Variants in MSI2 observed in about 807,000 individuals in gnomAD.
The protein encoded by MSI2 is musashi RNA binding protein 2, also known as RNA-binding protein Musashi homolog 2.
In MSI2, 17 loss-of-function variants were observed where a neutral mutation model predicts 45.6. That is an observed-to-expected ratio of 0.37 (90% CI 0.26 to 0.56). MSI2 has a LOEUF of 0.56. Ranked by LOEUF, MSI2 falls within the 20% of genes least tolerant of loss-of-function variation. The pLI is 0.77. For missense variants in MSI2, 293 were observed against 444.2 expected (o/e 0.66, Z 3.06); for synonymous variants, 156 against 158.2 (o/e 0.99, Z 0.11).
chr17:57,632,274 G>T, intron 10 of MSI2: 1 of 1,079,976 alleles, frequency 9.3e-7, no homozygotes, highest in Non-Finnish European at 1.1e-6. Flanking sequence ...TGGAGCACCC[G>T]TGTCTTACGA....
intron 5 of MSI2, among the ~76,000 whole-genome samples, chr17:57,341,407 C>A (rs1044804146): frequency 6.6e-6 from 1 of 152,198 alleles, no homozygotes; most frequent in Non-Finnish European, 1.5e-5. Context: ...TGGGGAAAAA[C>A]CAAACAGTGC....
At chr17:57,257,698 C>A in intron 3 of MSI2, 151 bp downstream of exon 3, 1 of 589,266 alleles carries the variant, frequency 1.7e-6, no homozygotes, top group Non-Finnish European at 3.0e-6. Flanking sequence ...CCCCACCGCC[C>A]CCTAGTAACC....
At chr17:57,376,587 G>A (rs1318622392) in intron 5 of MSI2, among the ~76,000 whole-genome samples, 2 of 152,174 alleles carry the variant, frequency 1.3e-5, no homozygotes, top group Non-Finnish European at 2.9e-5. Flanking sequence ...TGGGTTTTCG[G>A]TTGTGATTTT....
chr17:57,543,728 C>G (rs1176101223), intron 7 of MSI2, among the ~76,000 whole-genome samples: 1 of 150,930 alleles, frequency 6.6e-6, no homozygotes, highest in African/African-American at 2.5e-5. Flanking sequence ...GTTTAATTTG[C>G]TCCCTCCCCC....
intron 5 of MSI2, among the ~76,000 whole-genome samples, chr17:57,355,209 C>A (rs1227654695): frequency 6.6e-6 from 1 of 152,180 alleles, no homozygotes; most frequent in Non-Finnish European, 1.5e-5. Flanking sequence ...TCCTTTTGCA[C>A]GTAAATGTTT....
intron 6 of MSI2, among the ~76,000 whole-genome samples, chr17:57,437,987 G>A (rs1481341275): frequency 6.6e-6 from 1 of 152,202 alleles, no homozygotes; most frequent in Non-Finnish European, 1.5e-5. Context: ...AGTGCCACAG[G>A]TGCTGTGAAA....
At chr17:57,598,212 T>G (rs1905457684) in intron 8 of MSI2, among the ~76,000 whole-genome samples, 1 of 152,252 alleles carries the variant, frequency 6.6e-6, no homozygotes, top group Non-Finnish European at 1.5e-5. Context: ...GGCAAATCTG[T>G]GTTTCAATTG....
intron 6 of MSI2, among the ~76,000 whole-genome samples, chr17:57,481,345 G>C (rs986853264): frequency 1.3e-5 from 2 of 152,126 alleles, no homozygotes; most frequent in African/African-American, 4.8e-5. Context: ...CAGCAAATAA[G>C]TCTGCTTTCA....
At chr17:57,391,367 G>A (rs1213295735) in intron 5 of MSI2, among the ~76,000 whole-genome samples, 2 of 152,132 alleles carry the variant, frequency 1.3e-5, no homozygotes, top group African/African-American at 4.8e-5. Context: ...TTTATAGAAC[G>A]GAGAACGTGA....
At chr17:57,486,560 A>G (rs969735612) in intron 6 of MSI2, among the ~76,000 whole-genome samples, 7 of 152,200 alleles carry the variant, frequency 4.6e-5, no homozygotes, top group African/African-American at 1.7e-4. Flanking sequence ...TGGGATTTAT[A>G]TTACCCACTT....
chr17:57,580,995 G>A (rs1187652806), intron 7 of MSI2, among the ~76,000 whole-genome samples: 2 of 103,830 alleles, frequency 1.9e-5, no homozygotes, highest in East Asian at 3.3e-4. Flanking sequence ...AGCCCCATGA[G>A]GTCAGCATCT....
At chr17:57,496,507 G>C (rs1341635961) in intron 6 of MSI2, among the ~76,000 whole-genome samples, 1 of 152,206 alleles carries the variant, frequency 6.6e-6, no homozygotes, top group Admixed American at 6.5e-5. Context: ...TAATTGTTTT[G>C]ACAAGCGAAG....
At chr17:57,384,033 C>G (rs1434551880) in intron 5 of MSI2, among the ~76,000 whole-genome samples, 2 of 152,228 alleles carry the variant, frequency 1.3e-5, no homozygotes, top group Non-Finnish European at 2.9e-5. Context: ...AAAACTGACT[C>G]TTCATCCTAC....
At chr17:57,351,306 A>G (rs1234131377) in intron 5 of MSI2, among the ~76,000 whole-genome samples, 2 of 152,060 alleles carry the variant, frequency 1.3e-5, no homozygotes, top group Admixed American at 6.5e-5. Context: ...GGCACTAGCC[A>G]TGTCATTCCA....
intron 9 of MSI2, among the ~76,000 whole-genome samples, chr17:57,621,870 C>G (rs967182485): frequency 2.6e-5 from 4 of 152,194 alleles, no homozygotes; most frequent in African/African-American, 4.8e-5. Flanking sequence ...GGTCTCCCAC[C>G]TTTGAGCCGG....
intron 6 of MSI2, among the ~76,000 whole-genome samples, chr17:57,426,505 A>G: frequency 6.6e-6 from 1 of 152,230 alleles, no homozygotes; most frequent in East Asian, 1.9e-4. Context: ...TCCAATTATA[A>G]AGTTTTAGCA....
At position 57,596,969 on chromosome 17, in the gene MSI2, C is replaced by A. The variant is rs748095690; in HGVS notation, c.537+19C>A. The A allele has an allele frequency of 3.5e-5, 54 of 1,553,172 alleles. No individual in the cohort carries two copies. Among genetic ancestry groups the A allele is most frequent in the Non-Finnish European group, 4.5e-5 (51 of 1,124,924 alleles). Reference sequence around the variant, plus strand: ...TAAAATGGTAAGTGTGTAGGGGTTGCGCTGAAATGGAATGCCCCCTTTCTC... The same window carrying A: ...TAAAATGGTAAGTGTGTAGGGGTTGAGCTGAAATGGAATGCCCCCTTTCTC... On this transcript the variant is annotated intron_variant, in intron 8 of 13. Transcript: ENST00000284073. This position sits in a 1 kb window ranked among gnomAD's most constrained non-coding sequence, Gnocchi z 4.6.
intron 8 of MSI2, among the ~76,000 whole-genome samples, chr17:57,607,751 A>C (rs1906779916): frequency 6.6e-6 from 1 of 152,230 alleles, no homozygotes; most frequent in African/African-American, 2.4e-5. Context: ...CATGGTGCCA[A>C]CATCGCTAGG....
chr17:57,647,559 A>T (rs1408824456), intron 10 of MSI2, among the ~76,000 whole-genome samples: 1 of 152,130 alleles, frequency 6.6e-6, no homozygotes, highest in Non-Finnish European at 1.5e-5. Flanking sequence ...CTGCCTGGTG[A>T]AGAGTCCTGT....
Sources: allele counts gnomAD v4.1 joint callset (sites outside exome capture counted in the v4.1 genomes callset), GRCh38; gene constraint gnomAD v4.1.1; non-coding constraint Gnocchi (gnomAD v3.1); transcripts MANE v1.5; gene names NCBI Gene and HGNC (gene_info 2026-07-23, HGNC 2026-07-21).